ATP9A: variants seen among roughly 807,000 people sequenced by gnomAD.
ATP9A encodes the protein probable phospholipid-transporting ATPase IIA.
In ATP9A, 52 loss-of-function variants were observed where a neutral mutation model predicts 144.1. The observed-to-expected ratio is 0.36, with a 90% CI of 0.29 to 0.45. The LOEUF (loss-of-function observed/expected upper bound fraction) is 0.45, where lower values mean the gene tolerates loss of function less well. Ranked by LOEUF, ATP9A falls within the 20% of genes least tolerant of loss-of-function variation. The probability of loss-of-function intolerance (pLI) is 1.00; values close to 1 mark genes in which losing one functional copy is unlikely to be tolerated. For missense variants in ATP9A, 947 were observed against 1,392.7 expected (o/e 0.68, Z 5.09); for synonymous variants, 582 against 557.4 (o/e 1.04, Z -0.62).
intron 15 of ATP9A, among the ~76,000 whole-genome samples, chr20:51,632,985 G>A (rs11697854): frequency 3.3e-5 from 5 of 152,046 alleles, no homozygotes; most frequent in South Asian, 2.1e-4. Context: ...TGAGCCAGGC[G>A]TGGTGGCAGG....
intron 1 of ATP9A, among the ~76,000 whole-genome samples, chr20:51,767,658 G>C (rs1476353519): frequency 6.6e-6 from 1 of 152,206 alleles, no homozygotes; most frequent in Non-Finnish European, 1.5e-5. Flanking sequence ...CCCCGAAATT[G>C]TGGGGGGAGA....
At chr20:51,665,999 G>A (rs1451406519) in intron 13 of ATP9A, among the ~76,000 whole-genome samples, 1 of 152,170 alleles carries the variant, frequency 6.6e-6, no homozygotes, top group Non-Finnish European at 1.5e-5. Context: ...ATAAACAACT[G>A]TGGAATTCCA....
intron 27 of ATP9A, 117 bp downstream of exon 27, chr20:51,604,700 C>T: frequency 2.2e-6 from 2 of 922,084 alleles, no homozygotes; most frequent in Non-Finnish European, 3.0e-6. Flanking sequence ...GGAAGGACTG[C>T]TGGAGGAAGA....
intron 14 of ATP9A, among the ~76,000 whole-genome samples, chr20:51,646,063 T>A (rs772170245): frequency 3.3e-5 from 5 of 152,110 alleles, no homozygotes; most frequent in African/African-American, 7.2e-5. Context: ...GGGGAGGGGA[T>A]CCTGTCTCAG....
chr20:51,762,208 T>C (rs1028912232), intron 1 of ATP9A, among the ~76,000 whole-genome samples: 13 of 151,778 alleles, frequency 8.6e-5, no homozygotes, highest in African/African-American at 2.7e-4. Context: ...CTACCAAAAA[T>C]ACAAAAATTA....
chr20:51,634,574 G>A (rs1006442276), intron 15 of ATP9A, among the ~76,000 whole-genome samples: 1 of 152,036 alleles, frequency 6.6e-6, no homozygotes, highest in Non-Finnish European at 1.5e-5. Context: ...CCCTAACATA[G>A]GGCCGAGCGT....
chr20:51,615,480 CATAT>C (rs920824516), intron 22 of ATP9A, among the ~76,000 whole-genome samples: 1 of 151,996 alleles, frequency 6.6e-6, no homozygotes, highest in South Asian at 2.1e-4. Context: ...ATGAAAATTA[CATAT>C]ATATACATGT....
rs545594860 is a variant in ATP9A, at chr20:51,598,703, C to T, written c.*2508G>A. 4 of 152,138 alleles carry T rather than the reference C, an allele frequency of 2.6e-5. No homozygotes were observed. Among genetic ancestry groups the T allele is most frequent in the South Asian group, 2.1e-4 (1 of 4,818 alleles). 9.4% of individuals were successfully genotyped at this position (152,138 alleles called of 1,614,324 possible). On this transcript the variant is annotated 3_prime_UTR_variant, in exon 28 of 28. Coordinates refer to ENST00000338821, the MANE Select transcript of ATP9A (RefSeq NM_006045.3). ...ACAGTCTGATTGTGCAGGTAAAGAT[C>T]GTGTCCTCTCACCGGACTGCATCCT...
At chr20:51,710,498 A>C (rs1282340034) in intron 4 of ATP9A, among the ~76,000 whole-genome samples, 1 of 152,194 alleles carries the variant, frequency 6.6e-6, no homozygotes, top group African/African-American at 2.4e-5. Context: ...GCAATCTCCC[A>C]GTTTAGGTTT....
At chr20:51,607,608 T>C in intron 25 of ATP9A, 24 bp from the exon 26 acceptor site, 1 of 1,599,924 alleles carries the variant, frequency 6.3e-7, no homozygotes, top group Middle Eastern at 1.7e-4. Context: ...AGAGAAAGGT[T>C]AGAGCCGGTT....
At chr20:51,676,242 A>C (rs751529274) in intron 9 of ATP9A, 34 bp from the exon 10 acceptor site, 1 of 1,508,866 alleles carries the variant, frequency 6.6e-7, no homozygotes, top group Non-Finnish European at 9.1e-7. Flanking sequence ...AAAAAAGAAA[A>C]GAAATATTAA....
chr20:51,619,143 C>T (rs1326120712), intron 19 of ATP9A, 100 bp from the exon 20 acceptor site: 2 of 1,001,464 alleles, frequency 2.0e-6, no homozygotes, highest in Non-Finnish European at 1.5e-6. Flanking sequence ...AACGGCCACC[C>T]CAGCCAAGGG....
intron 9 of ATP9A, among the ~76,000 whole-genome samples, chr20:51,678,531 C>T (rs907245222): frequency 5.3e-5 from 8 of 152,304 alleles, no homozygotes; most frequent in Admixed American, 5.2e-4. Flanking sequence ...AGGCTCCCGG[C>T]AGATGGCAGG....
intron 14 of ATP9A, among the ~76,000 whole-genome samples, chr20:51,642,758 A>C (rs1203155890): frequency 7.1e-6 from 1 of 141,306 alleles, no homozygotes; most frequent in Non-Finnish European, 1.5e-5. Context: ...AAAAAAAAAA[A>C]AAAAAACCTG....
chr20:51,646,374 T>A (rs761627632), intron 14 of ATP9A, among the ~76,000 whole-genome samples: 3 of 152,184 alleles, frequency 2.0e-5, no homozygotes, highest in South Asian at 2.1e-4. Flanking sequence ...GAATGTGACA[T>A]CTGATAAAAG....
In ATP9A at chr20:51,699,831, C is replaced by T. The variant is rs527777397; in HGVS notation, c.437-2349G>A. On this transcript the variant is annotated intron_variant, in intron 4 of 27. Coordinates refer to ENST00000338821, the MANE Select transcript of ATP9A (RefSeq NM_006045.3). ...CTAATTTTTGTAGTTTTAGTAGAGACGGGGTTTCACCATATTGGCCAGGCT... is the reference window on the plus strand; with the variant it reads ...CTAATTTTTGTAGTTTTAGTAGAGATGGGGTTTCACCATATTGGCCAGGCT... 1.9e-4 allele frequency among the ~76,000 whole-genome samples: 29 copies of T among 151,962 alleles called. No homozygotes were observed. The South Asian group carries it at 5.0e-3, about 26-fold the overall frequency.
chr20:51,682,783 G>A (rs2077505953), intron 9 of ATP9A, among the ~76,000 whole-genome samples: 1 of 148,008 alleles, frequency 6.8e-6, no homozygotes. Flanking sequence ...AGTAGAGGCG[G>A]GGTTTTACCA....
chr20:51,735,461 G>T (rs1427998419), intron 1 of ATP9A, among the ~76,000 whole-genome samples: 2 of 152,158 alleles, frequency 1.3e-5, no homozygotes, highest in African/African-American at 4.8e-5. Context: ...TACACATATT[G>T]TCTATGGGAC....
chr20:51,639,913 C>T (rs1246988786), intron 14 of ATP9A, among the ~76,000 whole-genome samples: 3 of 152,086 alleles, frequency 2.0e-5, no homozygotes, highest in Admixed American at 6.6e-5. Context: ...TGGTGAAACC[C>T]CGTCTTTACT....
Sources: allele counts gnomAD v4.1 joint callset (sites outside exome capture counted in the v4.1 genomes callset), GRCh38; gene constraint gnomAD v4.1.1; transcripts MANE v1.5; gene names NCBI Gene and HGNC (gene_info 2026-07-23, HGNC 2026-07-21).